Variants in CASQ2 observed in about 807,000 individuals in gnomAD.
The protein encoded by CASQ2 is calsequestrin-2.
CASQ2 carries 49 observed loss-of-function variants against 46.5 expected under a neutral mutation model. The ratio of observed to expected loss-of-function variants is 1.05; its 90% confidence interval spans 0.84 to 1.34. CASQ2 has a LOEUF of 1.34. CASQ2 is among the 40% of genes most tolerant of loss of function. The pLI is 0.00. For missense variants in CASQ2, 486 were observed against 481.3 expected, an observed-to-expected ratio of 1.01 and a Z score of -0.09; for synonymous variants, 174 against 168.5, an observed-to-expected ratio of 1.03 and a Z score of -0.25.
At position 115,739,124 on chromosome 1, in the gene CASQ2, C is replaced by CTTTTTTTTTTTTTTTTTTTTT. The variant is rs1299140156; in HGVS notation, c.421-790_421-789insAAAAAAAAAAAAAAAAAAAAA. On this transcript the variant is annotated intron_variant, in intron 3 of 10. Transcript: ENST00000261448. ...ATGTATAGCACATTTTCTTTTCTTT[C>CTTTTTTTTTTTTTTTTTTTTT]TTTTTGAGATGGAGTCATGCTGTGT... Among the ~76,000 whole-genome samples the CTTTTTTTTTTTTTTTTTTTTT allele has an allele frequency of 2.1e-3, 207 of 99,524 alleles. 35 individuals are homozygous for CTTTTTTTTTTTTTTTTTTTTT. Among genetic ancestry groups the CTTTTTTTTTTTTTTTTTTTTT allele is most frequent in the Non-Finnish European group, 3.2e-3 (143 of 45,210 alleles). 65.3% of individuals were successfully genotyped at this position (99,524 alleles called of 152,430 possible). A position where few individuals can be genotyped will look rare whatever the true frequency, so the allele number is the denominator to read the frequency against.
At chr1:115,739,703 G>A (rs1297690473) in intron 3 of CASQ2, among the ~76,000 whole-genome samples, 1 of 152,228 alleles carries the variant, frequency 6.6e-6, no homozygotes, top group African/African-American at 2.4e-5. Context: ...GCAACATACT[G>A]AAAACACAGT....
At chr1:115,719,786 A>AC (rs901327285) in intron 7 of CASQ2, among the ~76,000 whole-genome samples, 5 of 151,788 alleles carry the variant, frequency 3.3e-5, no homozygotes, top group Admixed American at 6.6e-5. Flanking sequence ...AGGGCTGAGA[A>AC]CCCCCGGGGC....
intron 5 of CASQ2, 144 bp downstream of exon 5, chr1:115,732,757 G>A (rs1647831251): frequency 1.5e-6 from 1 of 679,160 alleles, no homozygotes; most frequent in Non-Finnish European, 2.7e-6. Flanking sequence ...TAGTGATTTA[G>A]TGATATAATT....
At chr1:115,732,598 G>A (rs1033752776) in intron 5 of CASQ2, among the ~76,000 whole-genome samples, 1 of 152,108 alleles carries the variant, frequency 6.6e-6, no homozygotes. Context: ...AGGAAGCAGT[G>A]GCTCAGTGGG....
In CASQ2 at chr1:115,768,482, T is replaced by G. The variant is rs1649205795; in HGVS notation, c.60A>C (p.Glu20Asp). 1 of 1,614,028 alleles carries G rather than the reference T, an allele frequency of 6.2e-7. No individual in the cohort carries two copies. The highest frequency in any genetic ancestry group is 1.7e-5 in the Admixed American group (1 of 60,026). The change falls in exon 1 of 11, where the codon GAA (glutamate) becomes GAC (aspartate). Residue 20 changes from glutamate (E) to aspartate (D), a missense_variant. Glu to Asp is a conservative substitution (Grantham distance 45). Transcript: ENST00000261448. The stretch of plus-strand genomic sequence containing the variant: ...CATATGTGGGGAAATTAAGCCCCTC[T>G]TCTGCCCTGCAAGAGGACAGAAAAT... ...GIYFLSSCRA[E>D]EGLNFPTYDG...
rs1553197917 is a variant in CASQ2, at chr1:115,768,401, C to G, written c.141G>C (p.Lys47Asn). ...LSEKNFKQVL[K>N]KYDLLCLYYH... Reference sequence around the variant, plus strand: ...AGTAGAGGCAAAGCAAGTCATATTTCTTTAAAACCTGCTTGAAGTTCTTCT... The same window carrying G: ...AGTAGAGGCAAAGCAAGTCATATTTGTTTAAAACCTGCTTGAAGTTCTTCT... The change falls in exon 1 of 11, where the codon AAG becomes AAC. Residue 47 changes from lysine (K) to asparagine (N), a missense_variant. Physicochemically the swap from Lys to Asn is moderately conservative, Grantham distance 94 (BLOSUM62 0). Transcript: ENST00000261448. The G allele has an allele frequency of 3.7e-6, 6 of 1,613,896 alleles. No homozygotes were observed. Among genetic ancestry groups the G allele is most frequent in the Non-Finnish European group, 5.1e-6 (6 of 1,179,926 alleles).
At position 115,768,609 on chromosome 1, in the gene CASQ2, A is replaced by C. The variant is rs1649210679; in HGVS notation, c.-68T>G. On this transcript the variant is annotated 5_prime_UTR_variant, in exon 1 of 11. Coordinates refer to ENST00000261448, the MANE Select transcript of CASQ2 (RefSeq NM_001232.4). ...AGAATAGAGGACAGAAGACTGTTAGAGGCCTTGTTGAGCCAAGGAGAGAGC... is the reference window on the plus strand; with the variant it reads ...AGAATAGAGGACAGAAGACTGTTAGCGGCCTTGTTGAGCCAAGGAGAGAGC... 5 of 1,032,776 alleles carry C rather than the reference A, an allele frequency of 4.8e-6. No individual in the cohort carries two copies. Among genetic ancestry groups the C allele is most frequent in the Non-Finnish European group, 7.4e-6 (5 of 673,986 alleles). The allele number at this position is 1,032,776 out of a possible 1,614,324, so 64.0% of individuals were successfully genotyped here.
At chr1:115,735,097 C>T (rs1647912271) in intron 4 of CASQ2, among the ~76,000 whole-genome samples, 1 of 152,164 alleles carries the variant, frequency 6.6e-6, no homozygotes, top group African/African-American at 2.4e-5. Flanking sequence ...AGTGTAAAGG[C>T]TTTACATCAA....
chr1:115,717,715 G>A (rs1475892315), intron 8 of CASQ2, 125 bp downstream of exon 8: 2 of 794,608 alleles, frequency 2.5e-6, no homozygotes, highest in Admixed American at 1.7e-5. Flanking sequence ...CGACCACCAG[G>A]GGGTGCCCAA....
At position 115,761,758 on chromosome 1, in the gene CASQ2, A is replaced by G. The variant is rs80153744; in HGVS notation, c.234+6550T>C. Among the ~76,000 whole-genome samples, 184 of 152,172 alleles carry G rather than the reference A, an allele frequency of 1.2e-3. 1 individual carries two copies. Among genetic ancestry groups the G allele is most frequent in the African/African-American group, 4.3e-3 (180 of 41,534 alleles). ...ACAGCTGCAAAACTCAGAGGCCTAC[A>G]TTACCCAGGATTATGATTCTTGATC... On this transcript the variant is annotated intron_variant, in intron 1 of 10. Coordinates refer to ENST00000261448, the MANE Select transcript of CASQ2 (RefSeq NM_001232.4).
intron 8 of CASQ2, among the ~76,000 whole-genome samples, 159 bp downstream of exon 8, chr1:115,717,681 G>A (rs778196255): frequency 2.0e-5 from 3 of 152,218 alleles, no homozygotes; most frequent in African/African-American, 4.8e-5. Context: ...GTGCACAATT[G>A]AAAACGAACT....
intron 10 of CASQ2, among the ~76,000 whole-genome samples, chr1:115,702,286 C>T (rs573976478): frequency 2.8e-4 from 43 of 152,270 alleles, no homozygotes; most frequent in African/African-American, 1.0e-3. Flanking sequence ...CTGTGATCAT[C>T]CCTTTCTGTC....
intron 1 of CASQ2, among the ~76,000 whole-genome samples, chr1:115,754,642 A>G (rs1298856653): frequency 6.6e-6 from 1 of 151,856 alleles, no homozygotes; most frequent in Non-Finnish European, 1.5e-5. Context: ...CAACCCTGAC[A>G]CTCTGGCTCC....
chr1:115,740,043 T>C (rs1472754388), intron 3 of CASQ2, among the ~76,000 whole-genome samples: 8 of 152,124 alleles, frequency 5.3e-5, no homozygotes, highest in African/African-American at 9.7e-5. Context: ...TTTTTGACAC[T>C]GTAGAGAAAG....
At chr1:115,714,719 G>A (rs978481903) in intron 8 of CASQ2, among the ~76,000 whole-genome samples, 7 of 152,224 alleles carry the variant, frequency 4.6e-5, no homozygotes, top group Admixed American at 4.6e-4. Context: ...CACAAATTCA[G>A]AGTCAGGGAC....
In CASQ2 at chr1:115,732,891, AGGT is replaced by A. The variant is rs752653901; in HGVS notation, c.606+7_606+9del. On this transcript the variant is annotated splice_region_variant and intron_variant, in intron 5 of 10. Transcript: ENST00000261448. ...AAAACTGTTCAAATTGGGGTTTCATAGGTACTTACCCCTTTGTCAAAGGTGGCA... is the reference window on the plus strand; with the variant it reads ...AAAACTGTTCAAATTGGGGTTTCATAACTTACCCCTTTGTCAAAGGTGGCA... The A allele has an allele frequency of 1.2e-5, 19 of 1,601,094 alleles. No individual in the cohort carries two copies. The East Asian group carries it at 4.2e-4, about 36-fold the overall frequency.
chr1:115,719,191 G>A (rs1003280227), intron 7 of CASQ2, among the ~76,000 whole-genome samples: 1 of 152,150 alleles, frequency 6.6e-6, no homozygotes, highest in Non-Finnish European at 1.5e-5. Flanking sequence ...AAGACAGTGG[G>A]CACTGCCTTG....
chr1:115,740,815 T>C lies in CASQ2; in HGVS notation c.333A>G (p.Glu111=), dbSNP rs727502910. 6.2e-7 allele frequency: 1 copy of C among 1,611,004 alleles called. No homozygotes were observed. Among genetic ancestry groups the C allele is most frequent in the African/African-American group, 1.3e-5 (1 of 74,854 alleles). Residue 111 remains glutamate, a synonymous_variant, in exon 3 of 11, where the codon GAA becomes GAG. Coordinates refer to ENST00000261448, the MANE Select transcript of CASQ2 (RefSeq NM_001232.4). ...KLAKKLGFDE[E]GSLYILKGDR... is the part of the protein sequence containing the mutation. ...CACCCTTAAGAATATACAGGCTTCC[T>C]TCTTCATCAAAACCTGTAAGAAACA...
chr1:115,725,694 C>T (rs1247727275), intron 6 of CASQ2, 141 bp from the exon 7 acceptor site: 9 of 1,074,072 alleles, frequency 8.4e-6, no homozygotes, highest in Non-Finnish European at 1.1e-5. Context: ...TAAAAACCCA[C>T]TTATCTTCTA....
Sources: allele counts gnomAD v4.1 joint callset (sites outside exome capture counted in the v4.1 genomes callset), GRCh38; gene constraint gnomAD v4.1.1; transcripts MANE v1.5; gene names NCBI Gene and HGNC (gene_info 2026-07-23, HGNC 2026-07-21).